The following ULK4 variants were observed in gnomAD, a reference collection of about 807,000 sequenced individuals.
The protein encoded by ULK4 is unc-51 like kinase 4.
ULK4 carries 133 observed loss-of-function variants against 160.6 expected under a neutral mutation model. The ratio of observed to expected loss-of-function variants is 0.83; its 90% CI spans 0.72 to 0.96. The LOEUF (loss-of-function observed/expected upper bound fraction) is 0.96. ULK4 is among the 40% of genes least tolerant of loss of function. The pLI is 0.00. For missense variants in ULK4, 1,580 were observed against 1,499.5 expected (o/e 1.05, Z -0.89); for synonymous variants, 534 against 539.8 (o/e 0.99, Z 0.15).
intron 31 of ULK4, among the ~76,000 whole-genome samples, chr3:41,601,482 A>G (rs1480776795): frequency 6.6e-6 from 1 of 152,186 alleles, no homozygotes; most frequent in Non-Finnish European, 1.5e-5. Context: ...ACTTGCTTTC[A>G]AAGAGTAAAG....
chr3:41,455,816 G>A (rs1268477942), intron 33 of ULK4, among the ~76,000 whole-genome samples: 1 of 152,178 alleles, frequency 6.6e-6, no homozygotes, highest in African/African-American at 2.4e-5. Context: ...AGGCTACAGA[G>A]GCTGACCTGG....
intron 16 of ULK4, among the ~76,000 whole-genome samples, chr3:41,887,677 T>C (rs1345366312): frequency 6.6e-6 from 1 of 151,910 alleles, no homozygotes; most frequent in Admixed American, 6.6e-5. Flanking sequence ...AAAAATTAGC[T>C]GGGCGTGGTG....
At chr3:41,829,371 G>C (rs2041488550) in intron 18 of ULK4, among the ~76,000 whole-genome samples, 1 of 146,148 alleles carries the variant, frequency 6.8e-6, no homozygotes, top group South Asian at 2.2e-4. Flanking sequence ...CCTACAGAAT[G>C]GGAGAAAATT....
chr3:41,884,119 ACT>A (rs1160567044), intron 16 of ULK4, among the ~76,000 whole-genome samples, 167 bp from the exon 17 acceptor site: 1 of 151,764 alleles, frequency 6.6e-6, no homozygotes, highest in Non-Finnish European at 1.5e-5. Context: ...GCCCAGAGAA[ACT>A]CTCCCTCGTA....
intron 34 of ULK4, among the ~76,000 whole-genome samples, chr3:41,431,953 C>G (rs1276680576): frequency 6.6e-6 from 1 of 151,846 alleles, no homozygotes; most frequent in Admixed American, 6.6e-5. Flanking sequence ...CCACGCCCGG[C>G]TAATTTTTAT....
intron 22 of ULK4, among the ~76,000 whole-genome samples, chr3:41,735,687 T>TTTATTATTATTATTATTATTATTATTA: frequency 6.9e-6 from 1 of 144,522 alleles, no homozygotes; most frequent in African/African-American, 2.6e-5. Flanking sequence ...CTAAGTCCAT[T>TTTATTATTATTATTATTATTATTATTA]TTATTATTAT....
chr3:41,645,125 T>C (rs2034422351), intron 30 of ULK4, among the ~76,000 whole-genome samples: 2 of 152,162 alleles, frequency 1.3e-5, no homozygotes, highest in African/African-American at 2.4e-5. Context: ...TCAATTTTGT[T>C]GATCTTTTCA....
chr3:41,670,306 A>G (rs2035495485), intron 29 of ULK4, among the ~76,000 whole-genome samples: 1 of 152,164 alleles, frequency 6.6e-6, no homozygotes, highest in African/African-American at 2.4e-5. Flanking sequence ...CATTTTCTGC[A>G]CATCTCTTTC....
chr3:41,819,289 G>C, intron 19 of ULK4, 134 bp downstream of exon 19: 1 of 726,780 alleles, frequency 1.4e-6, no homozygotes, highest in South Asian at 3.1e-5. Context: ...ATGGTAGGTT[G>C]TCGGGATTAT....
chr3:41,769,472 T>C (rs17062135), intron 21 of ULK4, among the ~76,000 whole-genome samples: 6,830 of 152,266 alleles, frequency 0.045, 510 homozygotes, highest in African/African-American at 0.16. Flanking sequence ...TCAGCTTTGA[T>C]TGAAATTCAT....
At position 41,835,975 on chromosome 3, in the gene ULK4, C is replaced by CAA. The variant is rs375053751; in HGVS notation, c.1657-6_1657-5dup. 1 of 1,447,430 alleles carries CAA rather than the reference C, an allele frequency of 6.9e-7. No homozygotes were observed. Among genetic ancestry groups the CAA allele is most frequent in the Admixed American group, 2.1e-5 (1 of 47,370 alleles). 89.7% of individuals were successfully genotyped at this position (1,447,430 alleles called of 1,614,324 possible). A position where few individuals can be genotyped will look rare whatever the true frequency, so the allele number is the denominator to read the frequency against. Reference sequence around the variant, plus strand: ...ATTCAGTTAAGAGAACAATTGCCTGCAAAGACAAAAAAAAAAAAAGTAAAT... The same window carrying CAA: ...ATTCAGTTAAGAGAACAATTGCCTGCAAAAAGACAAAAAAAAAAAAAGTAAAT... On this transcript the variant is annotated splice_polypyrimidine_tract_variant and splice_region_variant and intron_variant, in intron 17 of 36. Transcript: ENST00000301831.
intron 17 of ULK4, among the ~76,000 whole-genome samples, chr3:41,866,895 AG>A (rs1387261649): frequency 1.3e-5 from 2 of 152,176 alleles, no homozygotes; most frequent in African/African-American, 4.8e-5. Flanking sequence ...GAAATTATTC[AG>A]ATTATCCCCT....
intron 16 of ULK4, among the ~76,000 whole-genome samples, chr3:41,890,025 C>A (rs1697861628): frequency 6.6e-6 from 1 of 152,126 alleles, no homozygotes. Context: ...CTGTATGATT[C>A]CATTTATATG....
At chr3:41,603,695 A>G (rs1195153355) in intron 31 of ULK4, among the ~76,000 whole-genome samples, 5 of 152,144 alleles carry the variant, frequency 3.3e-5, no homozygotes, top group African/African-American at 1.2e-4. Flanking sequence ...ATATTGTACT[A>G]TAGTTTATAA....
intron 20 of ULK4, among the ~76,000 whole-genome samples, chr3:41,797,669 G>A (rs2125601185): frequency 6.6e-6 from 1 of 152,214 alleles, no homozygotes; most frequent in South Asian, 2.1e-4. Flanking sequence ...AGACCAGCCT[G>A]GCCAACATGG....
intron 19 of ULK4, among the ~76,000 whole-genome samples, chr3:41,807,268 A>C (rs970791254): frequency 1.3e-5 from 2 of 152,200 alleles, no homozygotes; most frequent in African/African-American, 4.8e-5. Flanking sequence ...TATGTAAAGG[A>C]AGGGCAAAGA....
chr3:41,917,119 A>C (rs1698994914), intron 7 of ULK4, among the ~76,000 whole-genome samples: 1 of 152,198 alleles, frequency 6.6e-6, no homozygotes, highest in Non-Finnish European at 1.5e-5. Flanking sequence ...AAGCATTATA[A>C]TATGACACTG....
chr3:41,663,679 T>A lies in ULK4; in HGVS notation c.2999A>T (p.Glu1000Val). The change falls in exon 30 of 37, where the codon GAA (glutamate) becomes GTA (valine). Residue 1000 changes from glutamate (E) to valine (V), a missense_variant. By Grantham distance (121) the Glu-to-Val change is moderately radical. Coordinates refer to ENST00000301831, the MANE Select transcript of ULK4 (RefSeq NM_017886.4). Reference protein sequence around the residue: ...LLPQYEHILLEPDPVPAYALK... With the variant: ...LLPQYEHILLVPDPVPAYALK... ...AGCATATGCTGGTACTGGGTCAGGTTCTAAAAGAATGTGCTCATACCTGAA... is the reference window on the plus strand; with the variant it reads ...AGCATATGCTGGTACTGGGTCAGGTACTAAAAGAATGTGCTCATACCTGAA... 9 of 1,613,914 alleles carry A rather than the reference T, an allele frequency of 5.6e-6. No homozygotes were observed. Among genetic ancestry groups the A allele is most frequent in the Non-Finnish European group, 7.6e-6 (9 of 1,179,858 alleles).
At chr3:41,554,921 C>T (rs2087230587) in intron 32 of ULK4, among the ~76,000 whole-genome samples, 1 of 152,064 alleles carries the variant, frequency 6.6e-6, no homozygotes, top group African/African-American at 2.4e-5. Flanking sequence ...CAACGCTAGA[C>T]TCAGTGAGAG....
Sources: gnomAD v4.1 joint callset for allele counts (sites outside exome capture counted in the v4.1 genomes callset) on GRCh38, gnomAD v4.1.1 for gene constraint, MANE v1.5 for transcripts, NCBI Gene and HGNC (gene_info 2026-07-23, HGNC 2026-07-21) for gene names.